The following SUN5 variants were observed in gnomAD, a reference collection of about 807,000 sequenced individuals.
SUN5 encodes SUN domain-containing protein 5.
Under a neutral mutation model 53.7 loss-of-function variants are expected in SUN5, and 44 were observed. The ratio of observed to expected loss-of-function variants is 0.82; its 90% CI spans 0.64 to 1.05. SUN5 has a LOEUF of 1.05. Among genes scored for constraint, SUN5 ranks in the 50% least tolerant of loss-of-function variants. SUN5 has a pLI of 0.00. For synonymous variants in SUN5, 166 were observed against 179.8 expected, an observed-to-expected ratio of 0.92 and a Z score of 0.62; for missense variants, 433 against 483.8, an observed-to-expected ratio of 0.90 and a Z score of 0.98.
intron 8 of SUN5, among the ~76,000 whole-genome samples, chr20:32,992,297 A>C (rs1989730055): frequency 6.6e-6 from 1 of 152,230 alleles, no homozygotes; most frequent in Admixed American, 6.5e-5. Flanking sequence ...ATTGAGAACC[A>C]CTGATTTAGC....
At chr20:32,984,211 C>CT (rs1266616328) in intron 12 of SUN5, among the ~76,000 whole-genome samples, 1 of 152,196 alleles carries the variant, frequency 6.6e-6, no homozygotes, top group African/African-American at 2.4e-5. Flanking sequence ...AACCTCCACC[C>CT]TTTCTGGGCC....
chr20:32,985,423 C>T (rs777605208), intron 11 of SUN5, among the ~76,000 whole-genome samples: 5 of 152,034 alleles, frequency 3.3e-5, no homozygotes, highest in Non-Finnish European at 7.4e-5. Context: ...TTCCCTGATC[C>T]TTCTCTGGAC....
chr20:32,986,811 C>G (rs935740426), intron 10 of SUN5, among the ~76,000 whole-genome samples: 1 of 152,192 alleles, frequency 6.6e-6, no homozygotes, highest in Non-Finnish European at 1.5e-5. Context: ...CCGCGTCCCC[C>G]GCCCCAGCCT....
intron 8 of SUN5, among the ~76,000 whole-genome samples, chr20:32,994,805 A>G (rs55722550): frequency 0.34 from 51,812 of 151,234 alleles, 9,524 homozygotes; most frequent in East Asian, 0.79. Context: ...TGTAGGATGC[A>G]CTTGAACCCA....
chr20:32,989,115 C>T (rs886441871), intron 9 of SUN5, among the ~76,000 whole-genome samples: 21 of 151,890 alleles, frequency 1.4e-4, no homozygotes, highest in African/African-American at 3.1e-4. Flanking sequence ...TTAGTAGAGA[C>T]GGGGTTTCAC....
At chr20:32,984,270 T>A (rs1989474948) in intron 12 of SUN5, among the ~76,000 whole-genome samples, 1 of 152,082 alleles carries the variant, frequency 6.6e-6, no homozygotes, top group African/African-American at 2.4e-5. Flanking sequence ...GGAATGGTAA[T>A]ATCTGCTTCC....
At chr20:32,998,860 A>AAT (rs1296253735) in intron 5 of SUN5, among the ~76,000 whole-genome samples, 1 of 151,928 alleles carries the variant, frequency 6.6e-6, no homozygotes, top group Non-Finnish European at 1.5e-5. Context: ...TCCAAAAAAA[A>AAT]AAAAATTTAA....
intron 8 of SUN5, among the ~76,000 whole-genome samples, chr20:32,991,370 A>T (rs143331997): frequency 6.4e-4 from 97 of 152,362 alleles, no homozygotes; most frequent in African/African-American, 2.2e-3. Flanking sequence ...ACATTAGTCT[A>T]AGTTTACATG....
chr20:32,988,997 C>T (rs886693487), intron 9 of SUN5, among the ~76,000 whole-genome samples: 11 of 152,064 alleles, frequency 7.2e-5, no homozygotes, highest in Admixed American at 5.9e-4. Context: ...GCGATCTAGG[C>T]TCACTGCAAG....
At position 32,983,983 on chromosome 20, in the gene SUN5, CAT is replaced by C. The variant is rs766423954; in HGVS notation, c.985-36_985-35del. ...GAATCAGTCACAGAGGCAGCTCACC[CAT>C]AGACTCCCACCCTGCCTTTCCAAAG... On this transcript the variant is annotated intron_variant, in intron 12 of 12. Transcript: ENST00000356173. 5.2e-5 allele frequency: 78 copies of C among 1,505,254 alleles called. No homozygotes were observed. In the South Asian group the frequency reaches 1.0e-3, roughly 20 times the overall value. 93.2% of individuals were successfully genotyped at this position (1,505,254 alleles called of 1,614,324 possible). A position where few individuals can be genotyped will look rare whatever the true frequency, so the allele number is the denominator to read the frequency against.
chr20:32,994,153 T>G (rs1285533464), intron 8 of SUN5, among the ~76,000 whole-genome samples: 1 of 152,228 alleles, frequency 6.6e-6, no homozygotes, highest in Non-Finnish European at 1.5e-5. Context: ...TCTAAAGAGT[T>G]AAGCTTAAAA....
At chr20:33,001,578 CCTTT>C (rs1290473893) in intron 3 of SUN5, among the ~76,000 whole-genome samples, 12 of 72,420 alleles carry the variant, frequency 1.7e-4, no homozygotes, top group African/African-American at 5.8e-4. Flanking sequence ...TTCCTTCCTT[CCTTT>C]CTTTCTTTTT....
rs199593580 is a variant in SUN5, at chr20:32,985,091, G to T, written c.984+8C>A. 3.7e-6 allele frequency: 6 copies of T among 1,612,606 alleles called. No individual in the cohort carries two copies. In the East Asian group the frequency reaches 6.7e-5, roughly 18 times the overall value. On this transcript the variant is annotated splice_region_variant and intron_variant, in intron 12 of 12. Transcript: ENST00000356173. Reference sequence around the variant, plus strand: ...AGGTGCTCAGCACAGGCAGCTCTTCGCAGGTACCTGGAGTGGGAACATCTG... The same window carrying T: ...AGGTGCTCAGCACAGGCAGCTCTTCTCAGGTACCTGGAGTGGGAACATCTG...
chr20:32,998,745 G>A (rs929182476), intron 5 of SUN5, among the ~76,000 whole-genome samples: 1 of 152,090 alleles, frequency 6.6e-6, no homozygotes, highest in East Asian at 1.9e-4. Flanking sequence ...TAGGCCAGGC[G>A]TGGTGTCTCA....
At position 33,002,595 on chromosome 20, in the gene SUN5, C is replaced by T; in HGVS notation, c.203G>A (p.Gly68Glu). Reference protein sequence around the residue: ...QALGLTQCMLGCVSWFTCFAC... With the variant: ...QALGLTQCMLECVSWFTCFAC... ...ATTCAGTATATACGTACACACACAT[C>T]CCAGCATGCACTGAGTCAGGCCTAG... The change falls in exon 3 of 13, where the codon GGA becomes GAA. Residue 68 changes from glycine (G) to glutamate (E), a missense_variant. By Grantham distance (98) the Gly-to-Glu change is moderately conservative. Coordinates refer to ENST00000356173, the MANE Select transcript of SUN5 (RefSeq NM_080675.4). 1.9e-6 allele frequency: 3 copies of T among 1,614,208 alleles called. No homozygotes were observed. The highest frequency in any genetic ancestry group is 1.6e-4 in the Middle Eastern group (1 of 6,062).
intron 8 of SUN5, among the ~76,000 whole-genome samples, chr20:32,990,031 T>C (rs546806507): frequency 1.3e-5 from 2 of 152,252 alleles, no homozygotes; most frequent in Admixed American, 6.5e-5. Context: ...TGAGTCTCGA[T>C]ATTCTCACCT....
chr20:33,001,718 G>A (rs902133076), intron 3 of SUN5, among the ~76,000 whole-genome samples: 19 of 122,922 alleles, frequency 1.5e-4, no homozygotes, highest in Middle Eastern at 5.8e-3. Context: ...ACCCAGGCTG[G>A]AGTGCAGTGG....
chr20:32,997,545 C>A (rs452299), intron 6 of SUN5, 93 bp downstream of exon 6: 244 of 1,449,572 alleles, frequency 1.7e-4, no homozygotes, highest in Non-Finnish European at 2.1e-4. Context: ...TGAGGGGCCC[C>A]ATTTGGTGAG....
intron 8 of SUN5, among the ~76,000 whole-genome samples, chr20:32,994,022 C>G (rs573139004): frequency 3.3e-5 from 5 of 152,246 alleles, no homozygotes; most frequent in Admixed American, 6.5e-5. Flanking sequence ...GCCACCAGGC[C>G]CAGAGATTTT....
Sources: gnomAD v4.1 joint callset for allele counts (sites outside exome capture counted in the v4.1 genomes callset) on GRCh38, gnomAD v4.1.1 for gene constraint, MANE v1.5 for transcripts, NCBI Gene and HGNC (gene_info 2026-07-23, HGNC 2026-07-21) for gene names.